The following TMEM170B variants were observed in gnomAD, a reference collection of about 807,000 sequenced individuals.
TMEM170B encodes transmembrane protein 170B.
A neutral mutation model predicts 13.0 loss-of-function variants in TMEM170B; 6 were observed. The ratio of observed to expected loss-of-function variants is 0.46; its 90% CI spans 0.25 to 0.91. The LOEUF (loss-of-function observed/expected upper bound fraction) is 0.91, where lower values mean the gene tolerates loss of function less well. Ranked by LOEUF, TMEM170B falls within the 40% of genes least tolerant of loss-of-function variation. The pLI is 0.17. For synonymous variants in TMEM170B, 61 were observed against 64.9 expected, an observed-to-expected ratio of 0.94 and a Z score of 0.29; for missense variants, 138 against 165.2, an observed-to-expected ratio of 0.84 and a Z score of 0.90.
rs1759944533 is a variant in TMEM170B at position 11,580,708 on chromosome 6, G to A, written c.*5147G>A. 2 of 152,114 alleles carry A rather than the reference G, an allele frequency of 1.3e-5. No individual in the cohort carries two copies. Among genetic ancestry groups the A allele is most frequent in the African/African-American group, 2.4e-5 (1 of 41,428 alleles). 9.4% of individuals were successfully genotyped at this position (152,114 alleles called of 1,614,324 possible). On this transcript the variant is annotated 3_prime_UTR_variant, in exon 3 of 3. Coordinates refer to ENST00000379426, the MANE Select transcript of TMEM170B (RefSeq NM_001100829.3). ...GGAAGAAGACTCTTCAGGATAAAAAGGATATTATTTGATTAAAAATTATAG... is the reference window on the plus strand; with the variant it reads ...GGAAGAAGACTCTTCAGGATAAAAAAGATATTATTTGATTAAAAATTATAG...
chr6:11,574,527 T>C (rs756015150), intron 2 of TMEM170B, among the ~76,000 whole-genome samples: 1 of 152,222 alleles, frequency 6.6e-6, no homozygotes, highest in Non-Finnish European at 1.5e-5. Context: ...CTTTGTCTTA[T>C]GTTCTTTTAT....
Position 11,580,960 on chromosome 6 carries a change from C to T in TMEM170B, c.*5399C>T, listed in dbSNP as rs1435374348. 1 of 152,204 alleles carries T rather than the reference C, an allele frequency of 6.6e-6. No homozygotes were observed. Among genetic ancestry groups the T allele is most frequent in the South Asian group, 2.1e-4 (1 of 4,830 alleles). 9.4% of individuals were successfully genotyped at this position (152,204 alleles called of 1,614,324 possible). A position where few individuals can be genotyped will look rare whatever the true frequency, so the allele number is the denominator to read the frequency against. Reference sequence around the variant, plus strand: ...GTTTGCTCTTCTCACTTAAGGAGCTCTGGTCTGTGTAGGCAGTACAGTGTT... The same window carrying T: ...GTTTGCTCTTCTCACTTAAGGAGCTTTGGTCTGTGTAGGCAGTACAGTGTT... On this transcript the variant is annotated 3_prime_UTR_variant, in exon 3 of 3. Coordinates refer to ENST00000379426, the MANE Select transcript of TMEM170B (RefSeq NM_001100829.3).
At chr6:11,564,564 G>T (rs1016660413) in intron 1 of TMEM170B, among the ~76,000 whole-genome samples, 3 of 152,142 alleles carry the variant, frequency 2.0e-5, no homozygotes. Flanking sequence ...AGCTCTTTCA[G>T]GTATAAGTGA....
At chr6:11,549,226 A>G (rs994231347) in intron 1 of TMEM170B, among the ~76,000 whole-genome samples, 5 of 152,248 alleles carry the variant, frequency 3.3e-5, no homozygotes, top group African/African-American at 4.8e-5. Context: ...TTTTGCATGC[A>G]TCTCATTTTC....
intron 1 of TMEM170B, among the ~76,000 whole-genome samples, chr6:11,553,128 G>T (rs1029404735): frequency 6.6e-6 from 1 of 152,070 alleles, no homozygotes; most frequent in Non-Finnish European, 1.5e-5. Context: ...TTCTAGGACC[G>T]CTGCATATAC....
intron 1 of TMEM170B, among the ~76,000 whole-genome samples, chr6:11,542,474 C>G (rs192992108): frequency 7.1e-4 from 108 of 152,192 alleles, no homozygotes; most frequent in Non-Finnish European, 1.4e-3. Flanking sequence ...AAGGATATGC[C>G]GAACATCCCA....
intron 1 of TMEM170B, among the ~76,000 whole-genome samples, chr6:11,551,677 A>C (rs1422699016): frequency 6.6e-6 from 1 of 152,236 alleles, no homozygotes; most frequent in African/African-American, 2.4e-5. Flanking sequence ...GTCATTATCC[A>C]TAAGGAGCTC....
chr6:11,577,558 G>T lies in TMEM170B; in HGVS notation c.*1997G>T, dbSNP rs942759975. On this transcript the variant is annotated 3_prime_UTR_variant, in exon 3 of 3. Coordinates refer to ENST00000379426, the MANE Select transcript of TMEM170B (RefSeq NM_001100829.3). ...GGAAATTGTTTCAGATCTCCAGAATGAATACTTATTTTAACATATGTTTAT... is the reference window on the plus strand; with the variant it reads ...GGAAATTGTTTCAGATCTCCAGAATTAATACTTATTTTAACATATGTTTAT... 2.6e-5 allele frequency: 4 copies of T among 152,042 alleles called. No homozygotes were observed. The highest frequency in any genetic ancestry group is 5.9e-5 in the Non-Finnish European group (4 of 67,946). 9.4% of individuals were successfully genotyped at this position (152,042 alleles called of 1,614,324 possible).
intron 1 of TMEM170B, among the ~76,000 whole-genome samples, chr6:11,548,502 G>A (rs1394498876): frequency 3.3e-5 from 5 of 151,260 alleles, no homozygotes; most frequent in African/African-American, 4.9e-5. Context: ...TTCAACCATT[G>A]TGGAAAACTG....
chr6:11,538,789 G>A (rs1308152241), intron 1 of TMEM170B, among the ~76,000 whole-genome samples: 1 of 151,964 alleles, frequency 6.6e-6, no homozygotes, highest in Admixed American at 6.5e-5. Context: ...TTTCTTTCTG[G>A]CAAATCTCAA....
chr6:11,549,718 C>T (rs1364156660), intron 1 of TMEM170B, among the ~76,000 whole-genome samples: 1 of 151,360 alleles, frequency 6.6e-6, no homozygotes. Context: ...CATCTCATGA[C>T]TTTGGCTAAG....
At chr6:11,540,668 C>T (rs1759347814) in intron 1 of TMEM170B, among the ~76,000 whole-genome samples, 1 of 152,208 alleles carries the variant, frequency 6.6e-6, no homozygotes, top group South Asian at 2.1e-4. Flanking sequence ...TGGACCTCTT[C>T]TCATGAGTCA....
intron 1 of TMEM170B, among the ~76,000 whole-genome samples, 180 bp downstream of exon 1, chr6:11,538,554 G>A (rs1181034768): frequency 6.6e-6 from 1 of 152,090 alleles, no homozygotes; most frequent in Non-Finnish European, 1.5e-5. Flanking sequence ...GGGGGCGCCG[G>A]CTCCCGCCAC....
chr6:11,575,734 T>C lies in TMEM170B; in HGVS notation c.*173T>C. 1.5e-6 allele frequency: 1 copy of C among 681,404 alleles called. No individual in the cohort carries two copies. 42.2% of individuals were successfully genotyped at this position (681,404 alleles called of 1,614,324 possible). ...GATTGCCCTCTGGTGTTCAAGTGAT[T>C]GCACTACCGCACTGCACCTTATGTG... On this transcript the variant is annotated 3_prime_UTR_variant, in exon 3 of 3. Coordinates refer to ENST00000379426, the MANE Select transcript of TMEM170B (RefSeq NM_001100829.3). The surrounding 1 kb of genome is among the most constrained non-coding windows in gnomAD (Gnocchi z 4.1).
At chr6:11,567,993 G>A (rs1759757032) in intron 2 of TMEM170B, among the ~76,000 whole-genome samples, 1 of 152,186 alleles carries the variant, frequency 6.6e-6, no homozygotes, top group African/African-American at 2.4e-5. Context: ...CCCTGAAAGA[G>A]CAGAGACCTG....
intron 1 of TMEM170B, among the ~76,000 whole-genome samples, chr6:11,550,725 T>C (rs957421113): frequency 6.6e-6 from 1 of 152,200 alleles, no homozygotes; most frequent in African/African-American, 2.4e-5. Context: ...TAATTCAGTT[T>C]GTAAAAGTGA....
intron 2 of TMEM170B, among the ~76,000 whole-genome samples, chr6:11,573,973 G>C (rs1404529631): frequency 6.6e-6 from 1 of 152,106 alleles, no homozygotes; most frequent in Non-Finnish European, 1.5e-5. Context: ...TAGGAGTTTT[G>C]AGATGCTTAT....
At chr6:11,566,066 A>G (rs1233414176) in intron 2 of TMEM170B, among the ~76,000 whole-genome samples, 2 of 152,236 alleles carry the variant, frequency 1.3e-5, no homozygotes, top group Non-Finnish European at 1.5e-5. Context: ...TGAGGGAAAT[A>G]GAAAAATTCA....
chr6:11,553,117 A>G (rs899498556), intron 1 of TMEM170B, among the ~76,000 whole-genome samples: 3 of 152,114 alleles, frequency 2.0e-5, no homozygotes, highest in Admixed American at 6.6e-5. Context: ...TGGGGGATTG[A>G]TTCTAGGACC....
Sources: gnomAD v4.1 joint callset for allele counts (sites outside exome capture counted in the v4.1 genomes callset) on GRCh38, gnomAD v4.1.1 for gene constraint, Gnocchi (gnomAD v3.1) non-coding constraint, MANE v1.5 for transcripts, NCBI Gene and HGNC (gene_info 2026-07-23, HGNC 2026-07-21) for gene names.